The following ARHGAP22 variants were observed in gnomAD, a reference collection of about 807,000 sequenced individuals.
The protein encoded by ARHGAP22 is Rho GTPase activating protein 22.
A neutral mutation model predicts 59.1 loss-of-function variants in ARHGAP22; 48 were observed. The ratio of observed to expected loss-of-function variants is 0.81; its 90% CI spans 0.64 to 1.03. The LOEUF (loss-of-function observed/expected upper bound fraction) is 1.03, where lower values mean the gene tolerates loss of function less well. ARHGAP22 is among the 50% of genes least tolerant of loss of function. The pLI is 0.00. For missense variants in ARHGAP22, 1,015 were observed against 958.7 expected, an observed-to-expected ratio of 1.06 and a Z score of -0.78; for synonymous variants, 445 against 416.4, an observed-to-expected ratio of 1.07 and a Z score of -0.84.
chr10:48,513,587 G>A (rs2134589693), intron 3 of ARHGAP22, among the ~76,000 whole-genome samples: 1 of 152,302 alleles, frequency 6.6e-6, no homozygotes, highest in South Asian at 2.1e-4. Flanking sequence ...AAGAGACTTG[G>A]GTGACTGCAT....
At chr10:48,542,636 C>G (rs1290888326) in intron 3 of ARHGAP22, among the ~76,000 whole-genome samples, 3 of 152,174 alleles carry the variant, frequency 2.0e-5, no homozygotes, top group Non-Finnish European at 4.4e-5. Flanking sequence ...GGCCTGACCA[C>G]AGGCATGAGG....
chr10:48,440,122 C>CTT, the ARHGAP22 span, among the ~76,000 whole-genome samples: 234 of 150,152 alleles, frequency 1.6e-3, 1 homozygote, highest in African/African-American at 4.3e-3. Context: ...AATTTAGGTA[C>CTT]TTTTTTTTTT....
intron 1 of ARHGAP22, among the ~76,000 whole-genome samples, chr10:48,593,986 T>C (rs1051611252): frequency 6.6e-6 from 1 of 152,224 alleles, no homozygotes; most frequent in Non-Finnish European, 1.5e-5. Flanking sequence ...TTTTTTATTA[T>C]ATAAATTACA....
At chr10:48,481,370 A>G (rs3896665) in intron 3 of ARHGAP22, among the ~76,000 whole-genome samples, 87,365 of 152,102 alleles carry the variant, frequency 0.57, 29,615 homozygotes, top group Non-Finnish European at 0.75. Flanking sequence ...AAGCTTTTCT[A>G]TGTCAGCATT....
At chr10:48,505,123 G>A (rs1416486359) in intron 3 of ARHGAP22, among the ~76,000 whole-genome samples, 1 of 152,040 alleles carries the variant, frequency 6.6e-6, no homozygotes, top group African/African-American at 2.4e-5. Flanking sequence ...GCACAATCTC[G>A]GCTCACTCCA....
intron 3 of ARHGAP22, among the ~76,000 whole-genome samples, chr10:48,529,670 T>A (rs1589972546): frequency 1.3e-5 from 2 of 152,246 alleles, no homozygotes; most frequent in Admixed American, 1.3e-4. Flanking sequence ...AGAGAAGCTG[T>A]CCCCACCAAG....
chr10:48,646,601 T>C (rs1401714057), intron 1 of ARHGAP22, among the ~76,000 whole-genome samples: 1 of 152,144 alleles, frequency 6.6e-6, no homozygotes, highest in African/African-American at 2.4e-5. Flanking sequence ...TTTTAACAAA[T>C]GGTGTTGGGA....
intron 1 of ARHGAP22, among the ~76,000 whole-genome samples, chr10:48,604,509 TG>T (rs1225475407): frequency 6.6e-6 from 1 of 152,232 alleles, no homozygotes; most frequent in Non-Finnish European, 1.5e-5. Context: ...ATGTGGAATG[TG>T]GGGCGAAGTG....
intron 1 of ARHGAP22, among the ~76,000 whole-genome samples, chr10:48,590,090 G>T (rs1328908763): frequency 6.6e-6 from 1 of 152,034 alleles, no homozygotes; most frequent in Non-Finnish European, 1.5e-5. Context: ...ATGGGTGGAG[G>T]GGTGAGGGTA....
intron 2 of ARHGAP22, among the ~76,000 whole-genome samples, chr10:48,567,003 A>G (rs1389467715): frequency 6.6e-6 from 1 of 152,156 alleles, no homozygotes; most frequent in Non-Finnish European, 1.5e-5. Context: ...TGGAGCCCTC[A>G]AGGATCTTCA....
chr10:48,509,558 C>T (rs2052534833), intron 3 of ARHGAP22, among the ~76,000 whole-genome samples: 1 of 152,208 alleles, frequency 6.6e-6, no homozygotes, highest in African/African-American at 2.4e-5. Context: ...GGAGCTCCAG[C>T]CAGGACAATG....
intron 3 of ARHGAP22, among the ~76,000 whole-genome samples, chr10:48,500,361 A>AAAACAT (rs568331379): frequency 0.014 from 2,073 of 150,652 alleles, 51 homozygotes; most frequent in African/African-American, 0.047. Flanking sequence ...AACAAAAACA[A>AAAACAT]CAACAAAAAC....
intron 3 of ARHGAP22, among the ~76,000 whole-genome samples, chr10:48,498,833 G>A (rs2051213898): frequency 6.6e-6 from 1 of 152,172 alleles, no homozygotes. Context: ...TGAAAGAGGT[G>A]CATACCTATC....
intron 1 of ARHGAP22, among the ~76,000 whole-genome samples, chr10:48,611,201 G>T (rs530637961): frequency 6.6e-6 from 1 of 152,340 alleles, no homozygotes; most frequent in South Asian, 2.1e-4. Context: ...GGCTCTGCCT[G>T]TGAGTGCTGG....
chr10:48,560,261 G>A (rs1416166255), intron 2 of ARHGAP22, among the ~76,000 whole-genome samples: 1 of 151,994 alleles, frequency 6.6e-6, no homozygotes, highest in Non-Finnish European at 1.5e-5. Context: ...ATTGTGATCG[G>A]GATTGCATAG....
At chr10:48,533,756 A>G (rs751478647) in intron 3 of ARHGAP22, among the ~76,000 whole-genome samples, 1 of 152,264 alleles carries the variant, frequency 6.6e-6, no homozygotes, top group Non-Finnish European at 1.5e-5. Flanking sequence ...GTACAATAGC[A>G]GGTGGCAAGC....
At chr10:48,514,878 T>C (rs753291591) in intron 3 of ARHGAP22, among the ~76,000 whole-genome samples, 36 of 152,118 alleles carry the variant, frequency 2.4e-4, no homozygotes, top group Admixed American at 3.9e-4. Flanking sequence ...CTGAACTATA[T>C]TGTTTTAAAT....
chr10:48,634,764 C>T (rs956638487), intron 1 of ARHGAP22, among the ~76,000 whole-genome samples: 5 of 152,126 alleles, frequency 3.3e-5, no homozygotes, highest in Non-Finnish European at 7.3e-5. Context: ...CCGCCCCATA[C>T]AGAAAGTGGC....
intron 1 of ARHGAP22, among the ~76,000 whole-genome samples, chr10:48,617,418 C>A (rs145261234): frequency 6.6e-6 from 1 of 151,958 alleles, no homozygotes; most frequent in South Asian, 2.1e-4. Context: ...TTCATCAGCA[C>A]GTGGAATATT....
Sources: gnomAD v4.1 joint callset for allele counts (sites outside exome capture counted in the v4.1 genomes callset) on GRCh38, gnomAD v4.1.1 for gene constraint, MANE v1.5 for transcripts, NCBI Gene and HGNC (gene_info 2026-07-23, HGNC 2026-07-21) for gene names.